The following ADCY2 variants were observed in gnomAD, a reference collection of about 807,000 sequenced individuals.
ADCY2 encodes the protein adenylate cyclase 2.
In ADCY2, 31 loss-of-function variants were observed where a neutral mutation model predicts 125.2. That is an observed-to-expected ratio of 0.25 (90% CI 0.19 to 0.33). The LOEUF is 0.33. Ranked by LOEUF, ADCY2 falls within the 10% of genes least tolerant of loss-of-function variation. The pLI is 1.00. For synonymous variants in ADCY2, 512 were observed against 548.4 expected (o/e 0.93, Z 0.93); for missense variants, 904 against 1,418.2 (o/e 0.64, Z 5.82).
rs566619912 is a variant in ADCY2 at position 7,783,687 on chromosome 5, G to A, written c.2385-678G>A. 9.2e-5 allele frequency among the ~76,000 whole-genome samples: 14 copies of A among 152,246 alleles called. No homozygotes were observed. The South Asian group carries it at 1.9e-3, about 20-fold the overall frequency. On this transcript the variant is annotated intron_variant, in intron 18 of 24. Transcript: ENST00000338316. ...TTAGTTACAGTCCTATGTAATGTTC[G>A]CATGTCAGCATTTGAAGGATGTGTG...
At chr5:7,541,296 G>A (rs1040312194) in intron 3 of ADCY2, among the ~76,000 whole-genome samples, 1 of 152,234 alleles carries the variant, frequency 6.6e-6, no homozygotes, top group Non-Finnish European at 1.5e-5. Context: ...AGCATGAGAA[G>A]TGCCCAAATC....
intron 19 of ADCY2, among the ~76,000 whole-genome samples, chr5:7,788,322 G>A (rs1183119465): frequency 6.6e-6 from 1 of 152,060 alleles, no homozygotes; most frequent in Admixed American, 6.5e-5. Context: ...TGGGATTACA[G>A]GCGCGCACAA....
intron 17 of ADCY2, 23 bp from the exon 18 acceptor site, chr5:7,772,909 T>C: frequency 6.2e-7 from 1 of 1,611,052 alleles, no homozygotes; most frequent in Non-Finnish European, 8.5e-7. Context: ...TAAGTATCTG[T>C]CTGGTGTCCT....
In ADCY2 at chr5:7,412,857, T is replaced by C. The variant is rs572788590; in HGVS notation, c.211-1716T>C. ...GTCAGCTGTAGAATGGAACTAACAC[T>C]AGTGCCCCCCATCCTGCCTGCCCCT... On this transcript the variant is annotated intron_variant, in intron 1 of 24. Transcript: ENST00000338316. 6.5e-4 allele frequency among the ~76,000 whole-genome samples: 99 copies of C among 152,258 alleles called. 4 individuals carry two copies. The highest frequency in any genetic ancestry group is 3.4e-4 in the Non-Finnish European group (23 of 68,004).
intron 24 of ADCY2, 129 bp from the exon 25 acceptor site, chr5:7,826,584 TTTCTAC>T: frequency 8.6e-7 from 1 of 1,164,522 alleles, no homozygotes; most frequent in South Asian, 1.3e-5. Flanking sequence ...TACTCTCACT[TTTCTAC>T]TAACTTCTCA....
chr5:7,676,258 C>CTACG (rs1476760978), intron 4 of ADCY2, among the ~76,000 whole-genome samples: 8 of 152,170 alleles, frequency 5.3e-5, no homozygotes, highest in Non-Finnish European at 7.3e-5. Context: ...GAACATCTTG[C>CTACG]TACGGGTAGT....
chr5:7,642,673 C>G (rs1329497964), intron 4 of ADCY2, among the ~76,000 whole-genome samples: 3 of 151,898 alleles, frequency 2.0e-5, no homozygotes, highest in African/African-American at 7.3e-5. Context: ...ACCAGACTGT[C>G]CAAGGTCAAC....
At chr5:7,654,754 C>A (rs1739261539) in intron 4 of ADCY2, among the ~76,000 whole-genome samples, 1 of 152,162 alleles carries the variant, frequency 6.6e-6, no homozygotes, top group African/African-American at 2.4e-5. Context: ...AGTTAATAAA[C>A]ATTGCTGCCA....
At chr5:7,503,267 C>T (rs1012140522) in intron 2 of ADCY2, among the ~76,000 whole-genome samples, 2 of 152,138 alleles carry the variant, frequency 1.3e-5, no homozygotes, top group African/African-American at 2.4e-5. Context: ...TAACACTCTC[C>T]TCTCAAGATT....
chr5:7,626,173 G>A lies in ADCY2; in HGVS notation c.577G>A (p.Ala193Thr). Residue 193 changes from alanine (A) to threonine (T), a missense_variant, in exon 4 of 25, where the codon GCC becomes ACC. Transcript: ENST00000338316. ...GKEHLVWQILANVIIFICGNL... is the reference protein window; with the variant it reads ...GKEHLVWQILTNVIIFICGNL... Reference sequence around the variant, plus strand: ...GCTCTTTCTGTCTCTTTAGATCCTGGCCAATGTGATCATTTTCATCTGTGG... The same window carrying A: ...GCTCTTTCTGTCTCTTTAGATCCTGACCAATGTGATCATTTTCATCTGTGG... 6.2e-7 allele frequency: 1 copy of A among 1,613,602 alleles called. No individual in the cohort carries two copies. The highest frequency in any genetic ancestry group is 8.5e-7 in the Non-Finnish European group (1 of 1,179,834).
At chr5:7,410,546 C>G (rs1293340691) in intron 1 of ADCY2, among the ~76,000 whole-genome samples, 1 of 152,098 alleles carries the variant, frequency 6.6e-6, no homozygotes, top group Non-Finnish European at 1.5e-5. Flanking sequence ...AACCCATAAT[C>G]ATCTCAGTGG....
intron 4 of ADCY2, among the ~76,000 whole-genome samples, chr5:7,684,183 T>C (rs1579313165): frequency 6.6e-6 from 1 of 152,286 alleles, no homozygotes; most frequent in Admixed American, 6.5e-5. Context: ...AGTGTGGCGG[T>C]CATGTTTGCA....
chr5:7,643,834 G>A (rs888515765), intron 4 of ADCY2, among the ~76,000 whole-genome samples: 1 of 151,392 alleles, frequency 6.6e-6, no homozygotes, highest in African/African-American at 2.4e-5. Flanking sequence ...ATCTCAACTA[G>A]TGAGGGACTA....
chr5:7,485,736 CTA>C (rs1240741566), intron 2 of ADCY2, among the ~76,000 whole-genome samples: 1 of 152,120 alleles, frequency 6.6e-6, no homozygotes. Context: ...TTTTAAAAAA[CTA>C]TGACACATTA....
At chr5:7,778,364 G>C (rs1341444987) in intron 18 of ADCY2, among the ~76,000 whole-genome samples, 3 of 152,178 alleles carry the variant, frequency 2.0e-5, no homozygotes, top group African/African-American at 7.2e-5. Flanking sequence ...TTTAATTCTA[G>C]AGACACATGG....
intron 2 of ADCY2, among the ~76,000 whole-genome samples, chr5:7,433,123 G>C (rs932337904): frequency 2.6e-5 from 4 of 152,168 alleles, no homozygotes; most frequent in African/African-American, 9.7e-5. Context: ...CAAAAAACGT[G>C]TCCAGGCTGG....
rs567381746 is a variant in ADCY2 at position 7,462,363 on chromosome 5, C to T, written c.408+47593C>T. ...TGTCAGTCCCCAAATTGTGTTTTTC[C>T]GCCACTGATTGATAATAACTAGGTC... On this transcript the variant is annotated intron_variant, in intron 2 of 24. Coordinates refer to ENST00000338316, the MANE Select transcript of ADCY2 (RefSeq NM_020546.3). Among the ~76,000 whole-genome samples, 298 of 152,200 alleles carry T rather than the reference C, an allele frequency of 2.0e-3. 1 individual carries two copies. Among genetic ancestry groups the T allele is most frequent in the African/African-American group, 6.6e-3 (275 of 41,534 alleles).
At position 7,709,276 on chromosome 5, in the gene ADCY2, G is replaced by A. The variant is rs747770277; in HGVS notation, c.1467G>A (p.Arg489=). 21 of 1,613,602 alleles carry A rather than the reference G, an allele frequency of 1.3e-5. No individual in the cohort carries two copies. The highest frequency in any genetic ancestry group is 1.3e-5 in the African/African-American group (1 of 74,828). The change falls in exon 10 of 25, where the codon AGG becomes AGA. Residue 489 remains arginine, a synonymous_variant. Coordinates refer to ENST00000338316, the MANE Select transcript of ADCY2 (RefSeq NM_020546.3). The surrounding 1 kb of genome is among the most constrained non-coding windows in gnomAD (Gnocchi z 4.4). The part of the protein sequence containing the change: ...PRHTLDGAKM[R]ASVRMTRYLE... ...ACACCCTTGATGGAGCCAAAATGAGGGCCTCGGTCCGCATGACCCGGTACT... is the reference window on the plus strand; with the variant it reads ...ACACCCTTGATGGAGCCAAAATGAGAGCCTCGGTCCGCATGACCCGGTACT...
chr5:7,620,889 G>A (rs1193312626), intron 3 of ADCY2, among the ~76,000 whole-genome samples: 5 of 144,916 alleles, frequency 3.5e-5, no homozygotes, highest in African/African-American at 1.3e-4. Context: ...TGTGCAGTTA[G>A]TTCATAGAAA....
Sources: allele counts gnomAD v4.1 joint callset (sites outside exome capture counted in the v4.1 genomes callset), GRCh38; gene constraint gnomAD v4.1.1; non-coding constraint Gnocchi (gnomAD v3.1); transcripts MANE v1.5; gene names NCBI Gene and HGNC (gene_info 2026-07-23, HGNC 2026-07-21).